Variants in PHF24 observed in about 807,000 individuals in gnomAD.
PHF24 encodes Galpha inhibitory interacting protein.
PHF24 carries 25 observed loss-of-function variants against 42.6 expected under a neutral mutation model. The observed-to-expected ratio is 0.59, with a 90% confidence interval of 0.43 to 0.82. The LOEUF (loss-of-function observed/expected upper bound fraction) is 0.82. PHF24 is among the 40% of genes least tolerant of loss of function. PHF24 has a pLI of 0.00. For missense variants in PHF24, 470 were observed against 538.1 expected, an observed-to-expected ratio of 0.87 and a Z score of 1.25; for synonymous variants, 185 against 204.8, an observed-to-expected ratio of 0.90 and a Z score of 0.83.
chr9:34,745,845 C>T, the PHF24 span, among the ~76,000 whole-genome samples: 1 of 151,924 alleles, frequency 6.6e-6, no homozygotes, highest in Non-Finnish European at 1.5e-5. Flanking sequence ...CCAAGAACAA[C>T]TAGAAAATAG....
the PHF24 span, chr9:34,834,367 T>C: frequency 1.3e-6 from 2 of 1,551,574 alleles, no homozygotes; most frequent in South Asian, 2.4e-5. Context: ...CGTTGGCCTC[T>C]AGGGCTACAG....
the PHF24 span, among the ~76,000 whole-genome samples, chr9:34,794,782 C>A: frequency 6.6e-6 from 1 of 151,996 alleles, no homozygotes; most frequent in Non-Finnish European, 1.5e-5. Flanking sequence ...TTAGACAACA[C>A]AGAATATAAA....
chr9:34,715,939 A>T, the PHF24 span, among the ~76,000 whole-genome samples: 1 of 152,148 alleles, frequency 6.6e-6, no homozygotes, highest in Non-Finnish European at 1.5e-5. Context: ...AGGGCAGCAG[A>T]TGCTCCCAGC....
chr9:34,763,646 G>A, the PHF24 span, among the ~76,000 whole-genome samples: 16 of 152,120 alleles, frequency 1.1e-4, no homozygotes, highest in Middle Eastern at 3.2e-3. Context: ...TCTGCAAACA[G>A]GGACAATTGG....
chr9:34,666,094 C>G, the PHF24 span: 1 of 224,124 alleles, frequency 4.5e-6, no homozygotes. Flanking sequence ...CTAGGTTTGC[C>G]TGTCCCCCGG....
chr9:34,848,779 C>G, the PHF24 span, among the ~76,000 whole-genome samples: 2 of 151,628 alleles, frequency 1.3e-5, no homozygotes, highest in African/African-American at 4.9e-5. Flanking sequence ...TGAATGTGTC[C>G]CAGAGATTCT....
At chr9:34,803,915 A>G in the PHF24 span, among the ~76,000 whole-genome samples, 1 of 152,164 alleles carries the variant, frequency 6.6e-6, no homozygotes. Context: ...TAGCTGCTGG[A>G]AGAAATTTCT....
chr9:34,766,452 C>T, the PHF24 span, among the ~76,000 whole-genome samples: 2 of 152,178 alleles, frequency 1.3e-5, no homozygotes, highest in African/African-American at 2.4e-5. Context: ...TCATTCATTT[C>T]ATCTTCCATC....
the PHF24 span, among the ~76,000 whole-genome samples, chr9:34,699,852 C>T: frequency 6.6e-6 from 1 of 152,060 alleles, no homozygotes; most frequent in Non-Finnish European, 1.5e-5. Flanking sequence ...AAGAGACAAA[C>T]AATAAGCAAA....
At chr9:34,895,046 T>C in the PHF24 span, 1 of 398,556 alleles carries the variant, frequency 2.5e-6, no homozygotes, top group Non-Finnish European at 4.4e-6. Flanking sequence ...TACCTCTTGA[T>C]GTTCTATCTC....
At chr9:34,889,547 G>A in the PHF24 span, 3 of 398,392 alleles carry the variant, frequency 7.5e-6, no homozygotes, top group South Asian at 1.3e-4. Context: ...AAAGGAGAAT[G>A]GATTCCTCAT....
At chr9:34,712,444 C>A in the PHF24 span, among the ~76,000 whole-genome samples, 1 of 151,916 alleles carries the variant, frequency 6.6e-6, no homozygotes, top group Non-Finnish European at 1.5e-5. Context: ...TTGATGGTAT[C>A]CCTGAGGCTC....
At chr9:34,923,151 A>G in the PHF24 span, among the ~76,000 whole-genome samples, 1 of 151,038 alleles carries the variant, frequency 6.6e-6, no homozygotes, top group Admixed American at 6.6e-5. Flanking sequence ...CATTCTGTTG[A>G]TATGATGTAT....
chr9:34,787,502 T>A, the PHF24 span, among the ~76,000 whole-genome samples: 1 of 152,148 alleles, frequency 6.6e-6, no homozygotes, highest in African/African-American at 2.4e-5. Flanking sequence ...TAAAATTAAC[T>A]TTTTCAGGGT....
the PHF24 span, chr9:34,665,817 A>G: frequency 2.6e-5 from 16 of 616,634 alleles, no homozygotes; most frequent in East Asian, 3.3e-4. Flanking sequence ...ACCACGGGAC[A>G]GGGTGGGCTT....
the PHF24 span, among the ~76,000 whole-genome samples, chr9:34,876,091 A>ATCTC: frequency 6.6e-6 from 1 of 151,998 alleles, no homozygotes; most frequent in Non-Finnish European, 1.5e-5. Context: ...ACAGAAAGGG[A>ATCTC]TCTCTGTGAC....
upstream of PHF24, among the ~76,000 whole-genome samples, chr9:34,956,030 C>G (rs1303963572): frequency 6.6e-6 from 1 of 152,146 alleles, no homozygotes; most frequent in African/African-American, 2.4e-5. Flanking sequence ...TTCCTTAACC[C>G]AAGTACCTCC....
the PHF24 span, among the ~76,000 whole-genome samples, chr9:34,870,126 C>T: frequency 6.6e-6 from 1 of 151,860 alleles, no homozygotes; most frequent in Non-Finnish European, 1.5e-5. Context: ...CTTGCATATG[C>T]CCCCACCCCA....
At chr9:34,917,469 T>C in the PHF24 span, 1 of 770,290 alleles carries the variant, frequency 1.3e-6, no homozygotes, top group South Asian at 1.3e-5. Context: ...AAGCTGGTAT[T>C]GTGTGAAGTT....
Sources: allele counts gnomAD v4.1 joint callset (sites outside exome capture counted in the v4.1 genomes callset), GRCh38; gene constraint gnomAD v4.1.1; transcripts MANE v1.5; gene names NCBI Gene and HGNC (gene_info 2026-07-23, HGNC 2026-07-21).